Variants in CRTC3 observed in about 807,000 individuals in gnomAD.
The protein encoded by CRTC3 is CREB regulated transcription coactivator 3, also known as CREB-regulated transcription coactivator 3.
CRTC3 carries 26 observed loss-of-function variants against 74.5 expected under a neutral mutation model. The observed-to-expected ratio is 0.35, with a 90% CI of 0.26 to 0.48. The LOEUF (loss-of-function observed/expected upper bound fraction) is 0.48, where lower values mean the gene tolerates loss of function less well. Ranked by LOEUF, CRTC3 falls within the 20% of genes least tolerant of loss-of-function variation. The pLI is 0.99. For missense variants in CRTC3, 760 were observed against 787.3 expected, an observed-to-expected ratio of 0.97 and a Z score of 0.41; for synonymous variants, 377 against 325.8, an observed-to-expected ratio of 1.16 and a Z score of -1.69.
At chr15:90,621,887 G>T (rs985984493) in intron 9 of CRTC3, among the ~76,000 whole-genome samples, 4 of 152,136 alleles carry the variant, frequency 2.6e-5, no homozygotes, top group Non-Finnish European at 5.9e-5. Flanking sequence ...GTTAAACAAT[G>T]AACAAAACAG....
At chr15:90,609,292 T>C (rs1000273475) in intron 6 of CRTC3, among the ~76,000 whole-genome samples, 1 of 152,184 alleles carries the variant, frequency 6.6e-6, no homozygotes, top group South Asian at 2.1e-4. Context: ...GATGTTGGAA[T>C]TGGATATGGG....
chr15:90,615,727 T>C (rs959198931), intron 7 of CRTC3, among the ~76,000 whole-genome samples: 2 of 152,220 alleles, frequency 1.3e-5, no homozygotes, highest in Admixed American at 6.5e-5. Context: ...GCCCCAACCA[T>C]GTTCTTATAA....
intron 11 of CRTC3, among the ~76,000 whole-genome samples, chr15:90,637,339 G>A (rs180808534): frequency 5.6e-4 from 85 of 152,266 alleles, no homozygotes; most frequent in African/African-American, 1.8e-3. Context: ...TCACTCATAG[G>A]TGGGAATTGA....
intron 5 of CRTC3, 80 bp from the exon 6 acceptor site, chr15:90,607,298 T>A: frequency 1.2e-6 from 1 of 814,252 alleles, no homozygotes; most frequent in Non-Finnish European, 2.1e-6. Flanking sequence ...TTCTTTCCTG[T>A]TGGTAATATT....
At chr15:90,641,426 G>A (rs7171177) in intron 14 of CRTC3, among the ~76,000 whole-genome samples, 28,995 of 152,056 alleles carry the variant, frequency 0.19, 2,793 homozygotes, top group African/African-American at 0.23. Context: ...GGCCCAGTGC[G>A]GTGGCTCACG....
At chr15:90,597,022 G>T (rs1442519142) in intron 3 of CRTC3, among the ~76,000 whole-genome samples, 1 of 152,254 alleles carries the variant, frequency 6.6e-6, no homozygotes, top group Non-Finnish European at 1.5e-5. Context: ...AGCACGCAGA[G>T]CTCTGCCACA....
chr15:90,635,841 A>G (rs909073892), intron 11 of CRTC3, among the ~76,000 whole-genome samples: 10 of 152,144 alleles, frequency 6.6e-5, no homozygotes, highest in Non-Finnish European at 1.2e-4. Context: ...TAGGAATCCA[A>G]CTTATAAGGG....
chr15:90,634,697 G>T, intron 11 of CRTC3: 2 of 661,106 alleles, frequency 3.0e-6, no homozygotes, highest in Non-Finnish European at 5.5e-6. Flanking sequence ...ACACTAGAGC[G>T]GAGTATGAGA....
chr15:90,554,883 T>C (rs147727708), intron 2 of CRTC3, among the ~76,000 whole-genome samples: 1 of 152,308 alleles, frequency 6.6e-6, no homozygotes, highest in African/African-American at 2.4e-5. Flanking sequence ...GTACCAATGG[T>C]TGGGAATTAT....
intron 11 of CRTC3, among the ~76,000 whole-genome samples, chr15:90,637,318 A>G (rs1394672558): frequency 6.6e-6 from 1 of 152,022 alleles, no homozygotes; most frequent in Non-Finnish European, 1.5e-5. Context: ...AAAACCAAAC[A>G]CCACATATTC....
At chr15:90,602,799 C>A (rs927102033) in intron 4 of CRTC3, among the ~76,000 whole-genome samples, 1 of 151,766 alleles carries the variant, frequency 6.6e-6, no homozygotes, top group Non-Finnish European at 1.5e-5. Flanking sequence ...CATCATGAAA[C>A]CCCGTCTCTA....
rs2151101518 is a variant in CRTC3 at position 90,645,077 on chromosome 15, G to C, written c.*2937G>C. The C allele has an allele frequency of 4.3e-6, 1 of 230,562 alleles. No homozygotes were observed. Among genetic ancestry groups the C allele is most frequent in the Middle Eastern group, 1.3e-3 (1 of 772 alleles). 14.3% of individuals were successfully genotyped at this position (230,562 alleles called of 1,614,324 possible). Reference sequence around the variant, plus strand: ...ACCTGAGCTGGTGTTGTATCTTCAAGTCCATATGCGTATTTGCAGACCTTT... The same window carrying C: ...ACCTGAGCTGGTGTTGTATCTTCAACTCCATATGCGTATTTGCAGACCTTT... On this transcript the variant is annotated 3_prime_UTR_variant, in exon 15 of 15. Transcript: ENST00000268184.
intron 2 of CRTC3, among the ~76,000 whole-genome samples, chr15:90,556,471 G>A (rs1294459217): frequency 3.9e-5 from 6 of 152,118 alleles, no homozygotes; most frequent in South Asian, 4.1e-4. Context: ...CAGATCTGAC[G>A]TTCCAAGTGT....
intron 2 of CRTC3, among the ~76,000 whole-genome samples, chr15:90,551,359 C>T (rs374745277): frequency 6.6e-6 from 1 of 152,154 alleles, no homozygotes; most frequent in Non-Finnish European, 1.5e-5. Flanking sequence ...CTGTCTCCCC[C>T]TCACCGCTGC....
chr15:90,610,739 T>TGGGG (rs1673512221), intron 6 of CRTC3, among the ~76,000 whole-genome samples: 1 of 152,208 alleles, frequency 6.6e-6, no homozygotes, highest in Admixed American at 6.5e-5. Flanking sequence ...CAGGACTCTG[T>TGGGG]GGGACACGTG....
intron 9 of CRTC3, 149 bp from the exon 10 acceptor site, chr15:90,625,627 C>T: frequency 1.4e-6 from 1 of 698,106 alleles, no homozygotes; most frequent in Non-Finnish European, 2.5e-6. Context: ...AGCCGAGCAC[C>T]AGTGTTCTCA....
chr15:90,578,084 T>A (rs1490386379), intron 2 of CRTC3, among the ~76,000 whole-genome samples: 1 of 151,924 alleles, frequency 6.6e-6, no homozygotes, highest in Admixed American at 6.5e-5. Flanking sequence ...TCCAGCTAAT[T>A]TTTTGTATTT....
intron 2 of CRTC3, among the ~76,000 whole-genome samples, chr15:90,589,361 T>G (rs765290025): frequency 2.6e-5 from 4 of 151,792 alleles, no homozygotes; most frequent in Non-Finnish European, 5.9e-5. Context: ...AGCCTGTTGT[T>G]ATTTTTAAGA....
intron 2 of CRTC3, among the ~76,000 whole-genome samples, chr15:90,588,665 G>A (rs922429647): frequency 9.9e-5 from 13 of 131,480 alleles, no homozygotes; most frequent in African/African-American, 3.6e-4. Context: ...ACTTGGAATG[G>A]CAACAGATGG....
Sources: allele counts gnomAD v4.1 joint callset (sites outside exome capture counted in the v4.1 genomes callset), GRCh38; gene constraint gnomAD v4.1.1; transcripts MANE v1.5; gene names NCBI Gene and HGNC (gene_info 2026-07-23, HGNC 2026-07-21).